The following NR2F1-AS1 variants were observed in gnomAD, a reference collection of about 807,000 sequenced individuals.
NR2F1-AS1 encodes the protein NR2F1 antisense RNA 1.
intron 4 of NR2F1-AS1, chr5:93,542,818 G>A (rs1199725053): frequency 6.6e-6 from 1 of 152,236 alleles, no homozygotes; most frequent in Non-Finnish European, 1.5e-5. Context: ...AAGATCCCAT[G>A]TAAGGTGGCA....
chr5:93,546,930 T>TTTTAAGTAAAAAAG (rs1752100794), intron 4 of NR2F1-AS1, among the ~76,000 whole-genome samples: 3 of 152,198 alleles, frequency 2.0e-5, no homozygotes, highest in Non-Finnish European at 2.9e-5. Flanking sequence ...AGATTAACTT[T>TTTTAAGTAAAAAAG]TAATAATGTG....
chr5:93,517,125 T>C (rs1208728272), intron 4 of NR2F1-AS1, among the ~76,000 whole-genome samples: 2 of 151,984 alleles, frequency 1.3e-5, no homozygotes, highest in East Asian at 3.8e-4. Context: ...GTTTGTCTTA[T>C]TATCATCTTC....
intron 4 of NR2F1-AS1, among the ~76,000 whole-genome samples, chr5:93,445,194 T>C (rs993932808): frequency 1.3e-5 from 2 of 151,934 alleles, no homozygotes; most frequent in Admixed American, 1.3e-4. Context: ...AAGAAATAAC[T>C]AAGATCAGAG....
At chr5:93,506,710 A>G (rs985045602) in intron 4 of NR2F1-AS1, among the ~76,000 whole-genome samples, 1 of 152,138 alleles carries the variant, frequency 6.6e-6, no homozygotes, top group African/African-American at 2.4e-5. Context: ...CATGGGAAGG[A>G]CCAGCCCCCA....
At chr5:93,484,025 C>T (rs912363331) in intron 4 of NR2F1-AS1, among the ~76,000 whole-genome samples, 2 of 152,168 alleles carry the variant, frequency 1.3e-5, no homozygotes, top group Non-Finnish European at 2.9e-5. Context: ...GGAAAACATG[C>T]TTCAGGATAT....
intron 4 of NR2F1-AS1, among the ~76,000 whole-genome samples, chr5:93,500,148 T>C (rs1561470341): frequency 1.3e-5 from 2 of 152,196 alleles, no homozygotes; most frequent in Non-Finnish European, 2.9e-5. Flanking sequence ...CCAAACAACA[T>C]ATTTTCAATG....
intron 4 of NR2F1-AS1, among the ~76,000 whole-genome samples, chr5:93,522,769 G>C (rs1325424712): frequency 6.6e-6 from 1 of 151,734 alleles, no homozygotes; most frequent in Non-Finnish European, 1.5e-5. Flanking sequence ...CCCTAGCCAA[G>C]GGAAGCCATG....
chr5:93,445,920 C>T (rs1045626654), intron 4 of NR2F1-AS1, among the ~76,000 whole-genome samples: 1 of 152,154 alleles, frequency 6.6e-6, no homozygotes, highest in African/African-American at 2.4e-5. Flanking sequence ...ACATGTAATC[C>T]ATCATATAAA....
intron 2 of NR2F1-AS1, among the ~76,000 whole-genome samples, chr5:93,556,023 C>T (rs1752345926): frequency 6.6e-6 from 1 of 152,130 alleles, no homozygotes; most frequent in Non-Finnish European, 1.5e-5. Flanking sequence ...CCCAGGATCC[C>T]TTGACAATAT....
chr5:93,573,120 T>C (rs982443749), intron 1 of NR2F1-AS1, among the ~76,000 whole-genome samples: 1 of 152,212 alleles, frequency 6.6e-6, no homozygotes, highest in South Asian at 2.1e-4. Flanking sequence ...GAACGAGCTG[T>C]GCGTTTTTGC....
At chr5:93,440,963 G>A (rs764384442) in intron 4 of NR2F1-AS1, among the ~76,000 whole-genome samples, 91 of 152,232 alleles carry the variant, frequency 6.0e-4, no homozygotes, top group Non-Finnish European at 1.2e-3. Context: ...AGGAAAATGT[G>A]TCTTAAACTT....
chr5:93,553,170 C>A (rs1345741816), intron 4 of NR2F1-AS1, among the ~76,000 whole-genome samples: 1 of 149,030 alleles, frequency 6.7e-6, no homozygotes, highest in African/African-American at 2.5e-5. Flanking sequence ...TGCTCTGTCA[C>A]CCAGGCCGGA....
At chr5:93,546,451 T>G (rs1752089701) in intron 4 of NR2F1-AS1, among the ~76,000 whole-genome samples, 1 of 152,198 alleles carries the variant, frequency 6.6e-6, no homozygotes. Flanking sequence ...AATAAAAATT[T>G]ACATGAAGCA....
chr5:93,534,754 G>A (rs888738594), intron 4 of NR2F1-AS1, among the ~76,000 whole-genome samples: 8 of 152,166 alleles, frequency 5.3e-5, no homozygotes, highest in South Asian at 2.1e-4. Flanking sequence ...CGATCCAGCC[G>A]GTGTAAAAGC....
chr5:93,497,011 A>G (rs1342569594), intron 4 of NR2F1-AS1, among the ~76,000 whole-genome samples: 1 of 152,210 alleles, frequency 6.6e-6, no homozygotes, highest in Non-Finnish European at 1.5e-5. Flanking sequence ...GAAGAAACCC[A>G]AAGACTCAAA....
chr5:93,542,218 T>A (rs1751966799), intron 4 of NR2F1-AS1: 1 of 151,200 alleles, frequency 6.6e-6, no homozygotes, highest in Non-Finnish European at 1.5e-5. Context: ...AATGTAAAAT[T>A]TGAAATAAAT....
chr5:93,436,308 A>G (rs972941360), intron 4 of NR2F1-AS1, among the ~76,000 whole-genome samples: 13 of 152,130 alleles, frequency 8.5e-5, no homozygotes, highest in Non-Finnish European at 1.6e-4. Flanking sequence ...CAACACAGAA[A>G]CTCACTTTTC....
intron 4 of NR2F1-AS1, among the ~76,000 whole-genome samples, chr5:93,467,003 A>G (rs947437409): frequency 2.4e-4 from 36 of 148,260 alleles, no homozygotes; most frequent in African/African-American, 9.0e-4. Flanking sequence ...GAGGTTCAAG[A>G]GATTCTCCTG....
chr5:93,429,604 C>T (rs1270177185), intron 4 of NR2F1-AS1, among the ~76,000 whole-genome samples: 1 of 152,208 alleles, frequency 6.6e-6, no homozygotes, highest in Non-Finnish European at 1.5e-5. Context: ...TCTTCTTACA[C>T]ACTGCAAATC....
Sources: allele counts gnomAD v4.1 joint callset (sites outside exome capture counted in the v4.1 genomes callset), GRCh38; gene constraint gnomAD v4.1.1; transcripts MANE v1.5; gene names NCBI Gene and HGNC (gene_info 2026-07-23, HGNC 2026-07-21).